The following EXPH5 variants were observed in gnomAD, a reference collection of about 807,000 sequenced individuals.
The protein encoded by EXPH5 is exophilin-5.
EXPH5 carries 42 observed loss-of-function variants against 41.1 expected under a neutral mutation model. The ratio of observed to expected loss-of-function variants is 1.02; its 90% confidence interval spans 0.80 to 1.32. The LOEUF (loss-of-function observed/expected upper bound fraction) is 1.32, where lower values mean the gene tolerates loss of function less well. Ranked by LOEUF, EXPH5 falls within the 40% of genes most tolerant of loss-of-function variation. The pLI, the probability that EXPH5 is intolerant of heterozygous loss-of-function variation, is 0.00. For synonymous variants in EXPH5, 798 were observed against 833.5 expected, an observed-to-expected ratio of 0.96 and a Z score of 0.73; for missense variants, 2,298 against 2,314.5, an observed-to-expected ratio of 0.99 and a Z score of 0.15.
the EXPH5 span, among the ~76,000 whole-genome samples, chr11:108,600,484 C>T: frequency 2.6e-5 from 4 of 151,942 alleles, no homozygotes; most frequent in African/African-American, 4.8e-5. Context: ...GCACAGTATG[C>T]GGATGATAGT....
chr11:108,590,010 A>C (rs1329339237), intron 1 of EXPH5, among the ~76,000 whole-genome samples: 1 of 152,220 alleles, frequency 6.6e-6, no homozygotes, highest in African/African-American at 2.4e-5. Context: ...ATTACATAAA[A>C]AGGCAGCACT....
intron 1 of EXPH5, among the ~76,000 whole-genome samples, chr11:108,568,543 A>C (rs2094045567): frequency 6.6e-6 from 1 of 152,158 alleles, no homozygotes; most frequent in Non-Finnish European, 1.5e-5. Context: ...ACAGGCCTAA[A>C]ATTTGACCTC....
intron 1 of EXPH5, among the ~76,000 whole-genome samples, chr11:108,561,670 A>G (rs187070622): frequency 6.6e-6 from 1 of 152,208 alleles, no homozygotes; most frequent in African/African-American, 2.4e-5. Flanking sequence ...TATTTGTTCT[A>G]TTTTGGAGAG....
intron 3 of EXPH5, chr11:108,538,120 G>A: frequency 1.0e-6 from 1 of 985,452 alleles, no homozygotes; most frequent in Non-Finnish European, 1.2e-6. Flanking sequence ...ACAGTGGTCT[G>A]TTAAATCCAG....
At chr11:108,515,844 G>A (rs1198218578) in intron 5 of EXPH5, among the ~76,000 whole-genome samples, 4 of 151,954 alleles carry the variant, frequency 2.6e-5, no homozygotes, top group Non-Finnish European at 4.4e-5. Context: ...AGGCCGAGGC[G>A]GGCGGATCAC....
chr11:108,595,532 G>C (rs941086538), upstream of EXPH5, among the ~76,000 whole-genome samples: 1 of 152,176 alleles, frequency 6.6e-6, no homozygotes, highest in Admixed American at 6.5e-5. Context: ...ACAAAAGCTT[G>C]GAAGCTAGAA....
chr11:108,545,910 A>C (rs1031004194), intron 1 of EXPH5, among the ~76,000 whole-genome samples: 11 of 150,386 alleles, frequency 7.3e-5, no homozygotes, highest in Admixed American at 1.3e-4. Context: ...CTAAAAAAAA[A>C]AACAACAGTA....
chr11:108,553,107 G>A (rs2093974874), intron 1 of EXPH5, among the ~76,000 whole-genome samples: 2 of 152,068 alleles, frequency 1.3e-5, no homozygotes, highest in African/African-American at 4.8e-5. Context: ...GCTGAGGCAG[G>A]AGAATCGCTT....
At chr11:108,596,796 A>G (rs569096011), upstream of EXPH5, among the ~76,000 whole-genome samples, 15 of 152,330 alleles carry the variant, frequency 9.8e-5, no homozygotes, top group South Asian at 2.9e-3. Flanking sequence ...AAATTTTTAT[A>G]TTGAGAAATT....
the EXPH5 span, among the ~76,000 whole-genome samples, chr11:108,605,663 T>C: frequency 3.3e-5 from 5 of 152,182 alleles, no homozygotes; most frequent in Non-Finnish European, 5.9e-5. Flanking sequence ...AGAACCTAGG[T>C]TGTGGGATAC....
intron 1 of EXPH5, among the ~76,000 whole-genome samples, chr11:108,556,949 C>T (rs1211900967): frequency 6.6e-6 from 1 of 152,234 alleles, no homozygotes; most frequent in Non-Finnish European, 1.5e-5. Context: ...AATCACTCCT[C>T]TTTCCTCTCC....
At chr11:108,573,070 A>AAGAG (rs371272956) in intron 1 of EXPH5, among the ~76,000 whole-genome samples, 2 of 147,472 alleles carry the variant, frequency 1.4e-5, no homozygotes, top group East Asian at 2.0e-4. Flanking sequence ...TGAAAAAAAT[A>AAGAG]AGAGAGAGAG....
Position 108,513,424 on chromosome 11 carries a change from T to C in EXPH5, c.2083A>G (p.Thr695Ala). 6.2e-7 allele frequency: 1 copy of C among 1,613,390 alleles called. No homozygotes were observed. The highest frequency in any genetic ancestry group is 8.5e-7 in the Non-Finnish European group (1 of 1,179,774). The change falls in exon 6 of 6, where the codon ACA (threonine) becomes GCA (alanine). Residue 695 changes from threonine (T) to alanine (A), a missense_variant. Coordinates refer to ENST00000265843, the MANE Select transcript of EXPH5 (RefSeq NM_015065.3). ...AAGTCTTTCTCATTATTTACTTCTG[T>C]GACCAAGATATTGGGCTGGCTTTTG... is the stretch of plus-strand genomic sequence containing the variant. ...LAKSQPNILV[T>A]EVNNEKDLNE...
At chr11:108,564,596 T>C (rs978347150) in intron 1 of EXPH5, among the ~76,000 whole-genome samples, 2 of 152,174 alleles carry the variant, frequency 1.3e-5, no homozygotes, top group Admixed American at 6.5e-5. Context: ...AAAACTAGCA[T>C]TGTGCCCATC....
intron 4 of EXPH5, among the ~76,000 whole-genome samples, chr11:108,518,575 T>C (rs921780775): frequency 1.3e-4 from 20 of 152,218 alleles, no homozygotes; most frequent in African/African-American, 2.2e-4. Context: ...CCTACATTAA[T>C]TATTTCAGTG....
At chr11:108,590,368 C>T (rs1171286675) in intron 1 of EXPH5, among the ~76,000 whole-genome samples, 1 of 152,060 alleles carries the variant, frequency 6.6e-6, no homozygotes, top group Non-Finnish European at 1.5e-5. Context: ...TATCTTTTGC[C>T]TATTTATCAG....
rs753128924 is a variant in EXPH5, at chr11:108,558,445, A to G, written c.120-16633T>C. 5.3e-5 allele frequency among the ~76,000 whole-genome samples: 8 copies of G among 152,112 alleles called. No homozygotes were observed. In the East Asian group the frequency reaches 1.5e-3, roughly 29 times the overall value. ...GCTAAGGTTGCAAAGGGTATGCCCC[A>G]CTATTTAAGAATGTGGTCAACAAGT... On this transcript the variant is annotated intron_variant, in intron 1 of 5. Coordinates refer to ENST00000265843, the MANE Select transcript of EXPH5 (RefSeq NM_015065.3).
chr11:108,520,554 TTTTATTTATTCA>T (rs1270651442), intron 4 of EXPH5, among the ~76,000 whole-genome samples: 1 of 151,578 alleles, frequency 6.6e-6, no homozygotes, highest in African/African-American at 2.4e-5. Context: ...TTTATTATTG[TTTTATTTATTCA>T]TTTATTTATT....
Position 108,506,189 on chromosome 11 carries a change from A to G in EXPH5, c.*3348T>C. On this transcript the variant is annotated 3_prime_UTR_variant, in exon 6 of 6. Transcript: ENST00000265843. Reference sequence around the variant, plus strand: ...CAGAAAACAAGTTATGAATATAAAAATGACTATTATAAGTTACCATAGCTA... The same window carrying G: ...CAGAAAACAAGTTATGAATATAAAAGTGACTATTATAAGTTACCATAGCTA... The G allele has an allele frequency of 6.6e-6, 1 of 152,244 alleles. No homozygotes were observed. Among genetic ancestry groups the G allele is most frequent in the East Asian group, 1.9e-4 (1 of 5,204 alleles). 9.4% of individuals were successfully genotyped at this position (152,244 alleles called of 1,614,324 possible). A position where few individuals can be genotyped will look rare whatever the true frequency, so the allele number is the denominator to read the frequency against.
Sources: gnomAD v4.1 joint callset for allele counts (sites outside exome capture counted in the v4.1 genomes callset) on GRCh38, gnomAD v4.1.1 for gene constraint, MANE v1.5 for transcripts, NCBI Gene and HGNC (gene_info 2026-07-23, HGNC 2026-07-21) for gene names.